The following CDC37L1 variants were observed in gnomAD, a reference collection of about 807,000 sequenced individuals.
CDC37L1 encodes the protein cell division cycle 37 like 1, HSP90 cochaperone.
In CDC37L1, 32 loss-of-function variants were observed where a neutral mutation model predicts 45.9. That is an observed-to-expected ratio of 0.70 (90% confidence interval 0.53 to 0.94). CDC37L1 has a LOEUF of 0.94. Among genes scored for constraint, CDC37L1 ranks in the 40% least tolerant of loss-of-function variants. CDC37L1 has a pLI of 0.00. For synonymous variants in CDC37L1, 150 were observed against 133.0 expected (o/e 1.13, Z -0.88); for missense variants, 434 against 405.7 (o/e 1.07, Z -0.60).
chr9:4,680,002 C>A, intron 1 of CDC37L1, 103 bp downstream of exon 1: 1 of 1,431,752 alleles, frequency 7.0e-7, no homozygotes, highest in Non-Finnish European at 9.4e-7. Context: ...TTTCTACGCC[C>A]ACCTCACTGC....
At chr9:4,705,047 T>C (rs80124888) in intron 6 of CDC37L1, among the ~76,000 whole-genome samples, 1 of 152,288 alleles carries the variant, frequency 6.6e-6, no homozygotes, top group African/African-American at 2.4e-5. Flanking sequence ...CTTTTTGACT[T>C]TTAGAATAAA....
chr9:4,684,430 A>C (rs1248861849), intron 1 of CDC37L1, among the ~76,000 whole-genome samples: 2 of 152,234 alleles, frequency 1.3e-5, no homozygotes, highest in African/African-American at 4.8e-5. Context: ...AATAGAAACC[A>C]AGAAACGATT....
rs546331671 is a variant in CDC37L1, at chr9:4,682,696, C to T, written c.133-2181C>T. ...CCATGTTGGCCAAGCTGGTTTCGAA[C>T]TCCTGACCTCAGGTAATCCGCCCGC... On this transcript the variant is annotated intron_variant, in intron 1 of 6. Transcript: ENST00000381854. Among the ~76,000 whole-genome samples, 1,372 of 151,954 alleles carry T rather than the reference C, an allele frequency of 9.0e-3. 13 individuals carry two copies. The highest frequency in any genetic ancestry group is 0.013 in the Non-Finnish European group (855 of 67,874).
In CDC37L1 at chr9:4,697,760, G is replaced by A; in HGVS notation, c.628G>A (p.Gly210Arg). 1 of 1,450,866 alleles carries A rather than the reference G, an allele frequency of 6.9e-7. No homozygotes were observed. Among genetic ancestry groups the A allele is most frequent in the South Asian group, 1.2e-5 (1 of 82,492 alleles). The allele number at this position is 1,450,866 out of a possible 1,614,324, so 89.9% of individuals were successfully genotyped here. A position where few individuals can be genotyped will look rare whatever the true frequency, so the allele number is the denominator to read the frequency against. ...ATATCATTTAAATCTTTTTCAGAAAGGGGCTTTAATGGAACAAATAGCACA... is the reference window on the plus strand; with the variant it reads ...ATATCATTTAAATCTTTTTCAGAAAAGGGCTTTAATGGAACAAATAGCACA... ...WCFHLEAEKK[G>R]ALMEQIAHQA... The change falls in exon 5 of 7, where the codon GGG (glycine) becomes AGG (arginine). Residue 210 changes from glycine to arginine, a missense_variant. Coordinates refer to ENST00000381854, the MANE Select transcript of CDC37L1 (RefSeq NM_017913.4).
Position 4,697,116 on chromosome 9 carries a change from G to T in CDC37L1, c.529G>T (p.Asp177Tyr), listed in dbSNP as rs749731003. The change falls in exon 4 of 7, where the codon GAT becomes TAT. Residue 177 changes from aspartate to tyrosine, a missense_variant. Transcript: ENST00000381854. Reference protein sequence around the residue: ...RHFGMLSRWDDSQRFLSDHPY... With the variant: ...RHFGMLSRWDYSQRFLSDHPY... ...TACAGGTATGTTGAGTCGATGGGAT[G>T]ATAGCCAGAGATTTTTGTCTGACCA... 18 of 1,539,598 alleles carry T rather than the reference G, an allele frequency of 1.2e-5. No individual in the cohort carries two copies. Among genetic ancestry groups the T allele is most frequent in the Non-Finnish European group, 1.5e-5 (17 of 1,113,936 alleles).
At position 4,679,862 on chromosome 9, in the gene CDC37L1, CT is replaced by C; in HGVS notation, c.96del (p.Arg34AlafsTer28). The C allele has an allele frequency of 6.2e-7, 1 of 1,613,982 alleles. No individual in the cohort carries two copies. Among genetic ancestry groups the C allele is most frequent in the Non-Finnish European group, 8.5e-7 (1 of 1,179,978 alleles). ...AGTGACTTCGACGTGTTCCCCAGTTCTCCCCGCTGCCCGCAGCTGCCAGGCG... is the reference window on the plus strand; with the variant it reads ...AGTGACTTCGACGTGTTCCCCAGTTCCCCCGCTGCCCGCAGCTGCCAGGCG... ...EESDFDVFPS[S>X]PRCPQLPGGG... On this transcript the variant is annotated frameshift_variant, in exon 1 of 7. Coordinates refer to ENST00000381854, the MANE Select transcript of CDC37L1 (RefSeq NM_017913.4). LOFTEE classifies it high-confidence loss of function.
rs151054230 is a variant in CDC37L1 at position 4,705,411 on chromosome 9, G to T, written c.913-600G>T. ...TATTCCCAGTTTTTGAAATTGACAA[G>T]CATAACATTTATGAGTTTATGCTTG... On this transcript the variant is annotated intron_variant, in intron 6 of 6. Coordinates refer to ENST00000381854, the MANE Select transcript of CDC37L1 (RefSeq NM_017913.4). Among the ~76,000 whole-genome samples the T allele has an allele frequency of 3.9e-3, 588 of 152,198 alleles. 1 individual carries two copies. The highest frequency in any genetic ancestry group is 0.01 in the Middle Eastern group (3 of 294).
In CDC37L1 at chr9:4,702,888, C is replaced by CAAA. The variant is rs397829063; in HGVS notation, c.912+883_912+885dup. Among the ~76,000 whole-genome samples the CAAA allele has an allele frequency of 3.4e-3, 146 of 42,622 alleles. 1 individual carries two copies. Among genetic ancestry groups the CAAA allele is most frequent in the East Asian group, 6.7e-3 (10 of 1,500 alleles). 28.0% of individuals were successfully genotyped at this position (42,622 alleles called of 152,430 possible). Reference sequence around the variant, plus strand: ...TGGGCGACAGAGCAAGACTCCGTCTCAAAAAAAAAAAAAAAAAAAAAAAAA... The same window carrying CAAA: ...TGGGCGACAGAGCAAGACTCCGTCTCAAAAAAAAAAAAAAAAAAAAAAAAAAAA... On this transcript the variant is annotated intron_variant, in intron 6 of 6. Transcript: ENST00000381854.
intron 2 of CDC37L1, among the ~76,000 whole-genome samples, chr9:4,685,697 G>C (rs1223615248): frequency 6.6e-6 from 1 of 152,174 alleles, no homozygotes; most frequent in African/African-American, 2.4e-5. Flanking sequence ...GTGCCTTTAA[G>C]AATGAAGGCT....
chr9:4,699,171 A>G (rs1409110748), intron 5 of CDC37L1, among the ~76,000 whole-genome samples: 3 of 152,326 alleles, frequency 2.0e-5, no homozygotes. Context: ...CGTAATGTTC[A>G]TAGTAGATTG....
intron 1 of CDC37L1, among the ~76,000 whole-genome samples, chr9:4,684,373 A>G (rs1300756714): frequency 6.6e-6 from 1 of 152,212 alleles, no homozygotes; most frequent in Non-Finnish European, 1.5e-5. Context: ...GGAAATATCC[A>G]ATAAGAACTT....
chr9:4,690,698 C>T (rs933653463), intron 3 of CDC37L1, among the ~76,000 whole-genome samples: 1 of 152,170 alleles, frequency 6.6e-6, no homozygotes, highest in South Asian at 2.1e-4. Context: ...CAGAGCCTTG[C>T]TGTTTTCACA....
intron 5 of CDC37L1, among the ~76,000 whole-genome samples, chr9:4,699,053 C>G (rs1483910666): frequency 1.3e-5 from 2 of 152,084 alleles, no homozygotes; most frequent in Non-Finnish European, 2.9e-5. Flanking sequence ...TAAATACTGA[C>G]AGATACAACT....
chr9:4,694,549 C>T (rs1361539428), intron 3 of CDC37L1, among the ~76,000 whole-genome samples: 2 of 152,144 alleles, frequency 1.3e-5, no homozygotes, highest in Admixed American at 6.5e-5. Context: ...AGTGTTAATT[C>T]GTCTCAGGTA....
At chr9:4,693,913 A>G (rs1841323790) in intron 3 of CDC37L1, among the ~76,000 whole-genome samples, 1 of 152,218 alleles carries the variant, frequency 6.6e-6, no homozygotes, top group African/African-American at 2.4e-5. Flanking sequence ...GAACTGCAGT[A>G]GTAAAATGGT....
intron 1 of CDC37L1, among the ~76,000 whole-genome samples, chr9:4,680,374 C>T (rs1841179438): frequency 6.6e-6 from 1 of 152,232 alleles, no homozygotes. Flanking sequence ...ATGCGATTTT[C>T]ACCGATGTTG....
At chr9:4,704,407 A>G (rs997082220) in intron 6 of CDC37L1, among the ~76,000 whole-genome samples, 4 of 152,234 alleles carry the variant, frequency 2.6e-5, no homozygotes, top group East Asian at 1.9e-4. Flanking sequence ...GGGACAGTCA[A>G]TGAAATCTAA....
chr9:4,696,989 T>C lies in CDC37L1; in HGVS notation c.509-107T>C, dbSNP rs1841353713. The C allele has an allele frequency of 8.2e-6, 5 of 610,542 alleles. No individual in the cohort carries two copies. In the South Asian group the frequency reaches 1.0e-4, roughly 12 times the overall value. The allele number at this position is 610,542 out of a possible 1,614,324, so 37.8% of individuals were successfully genotyped here. A position where few individuals can be genotyped will look rare whatever the true frequency, so the allele number is the denominator to read the frequency against. ...ATGAATTGTCTTTAAAGAGAATCAT[T>C]TAAAAATACCATTGAGAGATTAATG... On this transcript the variant is annotated intron_variant, in intron 3 of 6. Transcript: ENST00000381854.
chr9:4,704,486 G>A (rs1244125857), intron 6 of CDC37L1, among the ~76,000 whole-genome samples: 1 of 152,194 alleles, frequency 6.6e-6, no homozygotes. Flanking sequence ...GTATCTTACA[G>A]TTCTTAGGAA....
Sources: gnomAD v4.1 joint callset for allele counts (sites outside exome capture counted in the v4.1 genomes callset) on GRCh38, gnomAD v4.1.1 for gene constraint, MANE v1.5 for transcripts, NCBI Gene and HGNC (gene_info 2026-07-23, HGNC 2026-07-21) for gene names.